Variants in BRF1 observed in about 807,000 individuals in gnomAD.
BRF1 encodes the protein BRF1 general transcription factor IIIB subunit.
BRF1 carries 59 observed loss-of-function variants against 81.7 expected under a neutral mutation model. That is an observed-to-expected ratio of 0.72 (90% confidence interval 0.59 to 0.90). The LOEUF (loss-of-function observed/expected upper bound fraction) is 0.90, where lower values mean the gene tolerates loss of function less well. BRF1 is among the 40% of genes least tolerant of loss of function. The pLI, the probability that BRF1 is intolerant of heterozygous loss-of-function variation, is 0.00. For synonymous variants in BRF1, 491 were observed against 395.6 expected (o/e 1.24, Z -2.86); for missense variants, 1,050 against 936.3 (o/e 1.12, Z -1.58).
intron 5 of BRF1, among the ~76,000 whole-genome samples, chr14:105,246,365 G>A (rs1287172374): frequency 4.0e-5 from 6 of 151,804 alleles, no homozygotes; most frequent in East Asian, 2.0e-4. Flanking sequence ...TGTCCATTAG[G>A]ATGACCATTA....
chr14:105,212,583 CCCTGCACAGGG>C (rs953224332), intron 15 of BRF1: 1 of 183,154 alleles, frequency 5.5e-6, no homozygotes, highest in African/African-American at 2.4e-5. Context: ...GCTGACAACA[CCCTGCACAGGG>C]CCTGCTCGCC....
At chr14:105,228,756 C>G (rs2054224025) in intron 7 of BRF1, 64 bp downstream of exon 7, 3 of 1,577,550 alleles carry the variant, frequency 1.9e-6, no homozygotes, top group Non-Finnish European at 2.6e-6. Context: ...CTCTGGCAAG[C>G]AGGCCTGAGC....
intron 3 of BRF1, among the ~76,000 whole-genome samples, chr14:105,268,298 C>A (rs1039615670): frequency 6.6e-6 from 1 of 152,274 alleles, no homozygotes; most frequent in East Asian, 1.9e-4. Context: ...AGTCTCTGCC[C>A]GGCATGTCCA....
chr14:105,248,580 GGCGGGCGGGACGGCGCCCCCC>G (rs1285812983), intron 5 of BRF1: 14 of 878,162 alleles, frequency 1.6e-5, no homozygotes, highest in Non-Finnish European at 1.8e-5. Flanking sequence ...CGGGCGGGCG[GGCGGGCGGGACGGCGCCCCCC>G]GCGGCCGGGC....
chr14:105,225,730 C>T (rs1378859415), intron 10 of BRF1, among the ~76,000 whole-genome samples: 1 of 152,114 alleles, frequency 6.6e-6, no homozygotes, highest in South Asian at 2.1e-4. Flanking sequence ...TCACTGCTAC[C>T]TCCACTTCCC....
chr14:105,216,632 G>A (rs1028271077), intron 15 of BRF1, among the ~76,000 whole-genome samples: 1 of 152,214 alleles, frequency 6.6e-6, no homozygotes, highest in Non-Finnish European at 1.5e-5. Context: ...CAACTCTCGC[G>A]GGGTGCAGTG....
At chr14:105,304,960 G>C (rs745760811), upstream of BRF1, among the ~76,000 whole-genome samples, 76 of 152,198 alleles carry the variant, frequency 5.0e-4, no homozygotes, top group Non-Finnish European at 9.8e-4. Flanking sequence ...ATCTGGGTGG[G>C]TACACAGAGC....
intron 5 of BRF1, chr14:105,248,569 T>TCGGGCGGCGGGTACGGGCTCGGG: frequency 1.8e-6 from 1 of 542,156 alleles, no homozygotes; most frequent in Non-Finnish European, 2.2e-6. Context: ...GGGTACGGGC[T>TCGGGCGGCGGGTACGGGCTCGGG]CGGGCGGGCG....
Position 105,315,040 on chromosome 14 carries a change from A to G in BRF1, c.-162+282T>C, listed in dbSNP as rs1354803530. The G allele has an allele frequency of 2.5e-6, 3 of 1,178,282 alleles. No individual in the cohort carries two copies. The highest frequency in any genetic ancestry group is 3.2e-6 in the Non-Finnish European group (3 of 943,112). 73.0% of individuals were successfully genotyped at this position (1,178,282 alleles called of 1,614,324 possible). On this transcript the variant is annotated intron_variant, in intron 1 of 17. Coordinates refer to the BRF1 transcript ENST00000327359. The surrounding 1 kb of genome is among the most constrained non-coding windows in gnomAD (Gnocchi z 4.4). ...TCCAGCCCCAGCTGCGTGCCCAGGTACGCGCCGCCCGCCGCGCTTTGTTCC... is the reference window on the plus strand; with the variant it reads ...TCCAGCCCCAGCTGCGTGCCCAGGTGCGCGCCGCCCGCCGCGCTTTGTTCC...
At chr14:105,254,800 G>A (rs1244414585) in intron 4 of BRF1, among the ~76,000 whole-genome samples, 3 of 151,982 alleles carry the variant, frequency 2.0e-5, no homozygotes, top group Non-Finnish European at 4.4e-5. Context: ...GACCTCAGGT[G>A]ATCTGCCTGC....
upstream of BRF1, among the ~76,000 whole-genome samples, chr14:105,302,750 T>A (rs1195478800): frequency 2.6e-5 from 4 of 151,706 alleles, no homozygotes; most frequent in Non-Finnish European, 4.4e-5. Flanking sequence ...CACACCCAGA[T>A]AATATTTTTT....
In BRF1 at chr14:105,218,624, C is replaced by T. The variant is rs143373145; in HGVS notation, c.1515+374G>A. ...AAGCTGGCAGAGCAAGTCACCGTGA[C>T]GGCCACAAGGCAGGGAGGCATGACA... is the stretch of plus-strand genomic sequence containing the variant. On this transcript the variant is annotated intron_variant, in intron 14 of 17. Coordinates refer to ENST00000547530, the MANE Select transcript of BRF1 (RefSeq NM_001519.4). Among the ~76,000 whole-genome samples the T allele has an allele frequency of 2.4e-3, 365 of 152,322 alleles. 3 individuals are homozygous for T. Among genetic ancestry groups the T allele is most frequent in the African/African-American group, 8.1e-3 (337 of 41,564 alleles).
Position 105,226,258 on chromosome 14 carries a change from C to G in BRF1, c.948G>C (p.Glu316Asp), listed in dbSNP as rs1353301993. 4 of 1,614,120 alleles carry G rather than the reference C, an allele frequency of 2.5e-6. No homozygotes were observed. The highest frequency in any genetic ancestry group is 2.5e-6 in the Non-Finnish European group (3 of 1,180,034). Reference sequence around the variant, plus strand: ...GGAAGATTGGTTGGTTACCTTCAACCTCCTCCAGTTTTTTTGACAGGACTT... The same window carrying G: ...GGAAGATTGGTTGGTTACCTTCAACGTCCTCCAGTTTTTTTGACAGGACTT... Reference protein sequence around the residue: ...LEQVLSKKLEEVEGEISSYQD... With the variant: ...LEQVLSKKLEDVEGEISSYQD... The change falls in exon 9 of 18, where the codon GAG (glutamate) becomes GAC (aspartate). Residue 316 changes from glutamate to aspartate, a missense_variant. Transcript: ENST00000547530.
chr14:105,250,892 G>A (rs1222083575), intron 5 of BRF1: 2 of 581,256 alleles, frequency 3.4e-6, no homozygotes, highest in Non-Finnish European at 6.2e-6. Context: ...TCAGGTGGAG[G>A]AAGATTTACG....
At position 105,300,540 on chromosome 14, in the gene BRF1, T is replaced by C. The variant is rs1207251367; in HGVS notation, c.90A>G (p.Ser30=). ...ACACGATGATGTTGTCCTCCAGCAC[T>C]GAGCCGCAGGCGGTGCACACCGCGT... ...RGDAVCTACG[S]VLEDNIIVSE... is the part of the protein sequence containing the mutation. Residue 30 remains serine, a synonymous_variant, in exon 1 of 18, where the codon TCA becomes TCG. Transcript: ENST00000547530. 3.3e-6 allele frequency: 5 copies of C among 1,526,804 alleles called. No homozygotes were observed. The highest frequency in any genetic ancestry group is 1.4e-5 in the African/African-American group (1 of 70,224). 94.6% of individuals were successfully genotyped at this position (1,526,804 alleles called of 1,614,324 possible).
At chr14:105,310,663 C>T (rs587643239) in intron 1 of BRF1, among the ~76,000 whole-genome samples, 32 of 151,932 alleles carry the variant, frequency 2.1e-4, no homozygotes, top group African/African-American at 7.5e-4. Context: ...CAGGACGGGG[C>T]GCAGCCCCAG....
In BRF1 at chr14:105,272,911, G is replaced by A. The variant is rs746556569; in HGVS notation, c.266-17C>T. ...GGCGCCTCCCTAGGACACAGCACGA[G>A]GCAGCTCTTAGCCAAATGTTCCCAC... On this transcript the variant is annotated splice_polypyrimidine_tract_variant and intron_variant, in intron 2 of 17. Coordinates refer to ENST00000547530, the MANE Select transcript of BRF1 (RefSeq NM_001519.4). The A allele has an allele frequency of 6.4e-7, 1 of 1,571,180 alleles. No homozygotes were observed. Among genetic ancestry groups the A allele is most frequent in the South Asian group, 1.2e-5 (1 of 86,570 alleles).
At position 105,228,830 on chromosome 14, in the gene BRF1, G is replaced by C. The variant is rs756152891; in HGVS notation, c.778C>G (p.Leu260Val). The C allele has an allele frequency of 4.3e-6, 7 of 1,613,920 alleles. No individual in the cohort carries two copies. Among genetic ancestry groups the C allele is most frequent in the African/African-American group, 1.3e-5 (1 of 75,064 alleles). ...ATGAGAGCCCCTCACCTCTTCCGCA[G>C]CGTGGACTCACACACTTTGACCACA... ...ISVVKVCESTLRKRLTEFEDT... is the reference protein window; with the variant it reads ...ISVVKVCESTVRKRLTEFEDT... Residue 260 changes from leucine to valine, a missense_variant, in exon 7 of 18, where the codon CTG becomes GTG. Physicochemically the swap from Leu to Val is conservative, Grantham distance 32 (BLOSUM62 1). Transcript: ENST00000547530.
intron 5 of BRF1, among the ~76,000 whole-genome samples, chr14:105,245,108 T>TA (rs1314902224): frequency 2.0e-5 from 3 of 152,088 alleles, no homozygotes; most frequent in Non-Finnish European, 4.4e-5. Flanking sequence ...CCTGTAATCC[T>TA]AGCACTTTGG....
Sources: gnomAD v4.1 joint callset for allele counts (sites outside exome capture counted in the v4.1 genomes callset) on GRCh38, gnomAD v4.1.1 for gene constraint, Gnocchi (gnomAD v3.1) non-coding constraint, MANE v1.5 for transcripts, NCBI Gene and HGNC (gene_info 2026-07-23, HGNC 2026-07-21) for gene names.